HSD17B6: variants seen among roughly 807,000 people sequenced by gnomAD.
HSD17B6 encodes 17-beta-hydroxysteroid dehydrogenase type 6.
Under a neutral mutation model 26.4 loss-of-function variants are expected in HSD17B6, and 16 were observed. The observed-to-expected ratio is 0.61, with a 90% confidence interval of 0.41 to 0.92. HSD17B6 has a LOEUF of 0.92. HSD17B6 is among the 40% of genes least tolerant of loss of function. The probability of loss-of-function intolerance (pLI) is 0.00; values close to 1 mark genes in which losing one functional copy is unlikely to be tolerated. For missense variants in HSD17B6, 357 were observed against 386.1 expected, an observed-to-expected ratio of 0.92 and a Z score of 0.63; for synonymous variants, 139 against 153.0, an observed-to-expected ratio of 0.91 and a Z score of 0.68.
chr12:56,774,864 G>A (rs567618667), intron 2 of HSD17B6, among the ~76,000 whole-genome samples: 2 of 152,374 alleles, frequency 1.3e-5, no homozygotes, highest in South Asian at 4.1e-4. Context: ...TACAGATGAA[G>A]CTTTGCTTGC....
chr12:56,784,695 AG>A (rs1954836721), intron 3 of HSD17B6, among the ~76,000 whole-genome samples, 157 bp from the exon 4 acceptor site: 1 of 152,084 alleles, frequency 6.6e-6, no homozygotes, highest in African/African-American at 2.4e-5. Context: ...GACCGTGGGG[AG>A]AGGGAGACGA....
In HSD17B6 at chr12:56,785,900, A is replaced by G. The variant is rs931010342; in HGVS notation, c.736+884A>G. 21 of 968,352 alleles carry G rather than the reference A, an allele frequency of 2.2e-5. 1 individual carries two copies. The highest frequency in any genetic ancestry group is 3.7e-6 in the Non-Finnish European group (3 of 814,512). The allele number at this position is 968,352 out of a possible 1,614,324, so 60.0% of individuals were successfully genotyped here. On this transcript the variant is annotated intron_variant, in intron 4 of 4. Coordinates refer to ENST00000322165, the MANE Select transcript of HSD17B6 (RefSeq NM_003725.4). ...CCCTGAGGCTATATTTCTCTTGTTC[A>G]GGTGATAGGAGCTTTGTGGGAGTGG...
chr12:56,766,321 T>C (rs1954328051), intron 1 of HSD17B6, among the ~76,000 whole-genome samples: 1 of 152,108 alleles, frequency 6.6e-6, no homozygotes, highest in Admixed American at 6.6e-5. Flanking sequence ...TGACAAAAGG[T>C]AGTCGGAATC....
chr12:56,783,309 C>T (rs1299051740), intron 3 of HSD17B6, among the ~76,000 whole-genome samples: 30 of 142,704 alleles, frequency 2.1e-4, no homozygotes, highest in Non-Finnish European at 3.4e-4. Flanking sequence ...GCTGGCCAGG[C>T]GGGGGGCTGA....
intron 4 of HSD17B6, among the ~76,000 whole-genome samples, chr12:56,786,536 C>A (rs970852703): frequency 4.6e-5 from 7 of 152,216 alleles, no homozygotes; most frequent in African/African-American, 1.7e-4. Context: ...AGGCATGAGC[C>A]ACTGCACCCA....
intron 1 of HSD17B6, among the ~76,000 whole-genome samples, chr12:56,768,814 A>T (rs1240709512): frequency 2.0e-5 from 3 of 152,024 alleles, no homozygotes; most frequent in Non-Finnish European, 4.4e-5. Flanking sequence ...GATTTGTTGT[A>T]TAAAAGTTTG....
Position 56,787,585 on chromosome 12 carries a change from A to G in HSD17B6, c.*243A>G, listed in dbSNP as rs1328525335. On this transcript the variant is annotated 3_prime_UTR_variant, in exon 5 of 5. Coordinates refer to ENST00000322165, the MANE Select transcript of HSD17B6 (RefSeq NM_003725.4). ...TGAGACTATTTGTCTAAAGTGAATCATTTGTTCTTGCCTTATTAAACAGAG... is the reference window on the plus strand; with the variant it reads ...TGAGACTATTTGTCTAAAGTGAATCGTTTGTTCTTGCCTTATTAAACAGAG... 2 of 484,032 alleles carry G rather than the reference A, an allele frequency of 4.1e-6. No homozygotes were observed. The highest frequency in any genetic ancestry group is 3.9e-5 in the African/African-American group (2 of 51,324). 30.0% of individuals were successfully genotyped at this position (484,032 alleles called of 1,614,324 possible). A position where few individuals can be genotyped will look rare whatever the true frequency, so the allele number is the denominator to read the frequency against.
chr12:56,774,919 G>T (rs1013971128), intron 2 of HSD17B6, among the ~76,000 whole-genome samples: 2 of 152,214 alleles, frequency 1.3e-5, no homozygotes, highest in Non-Finnish European at 2.9e-5. Flanking sequence ...TTTCTAACAG[G>T]CCATGGGCTG....
intron 1 of HSD17B6, 120 bp from the exon 2 acceptor site, chr12:56,773,713 TA>T: frequency 1.1e-6 from 1 of 941,654 alleles, no homozygotes; most frequent in Non-Finnish European, 1.5e-6. Flanking sequence ...AGGGTAGGAC[TA>T]AGTATTAATC....
chr12:56,767,344 C>T (rs1284447761), intron 1 of HSD17B6, among the ~76,000 whole-genome samples: 2 of 150,700 alleles, frequency 1.3e-5, no homozygotes, highest in Admixed American at 1.3e-4. Flanking sequence ...AACTCTGTCT[C>T]CACTAAAAAA....
At chr12:56,764,068 C>CACAAAAA (rs1954266273) in intron 1 of HSD17B6, among the ~76,000 whole-genome samples, 1 of 74,342 alleles carries the variant, frequency 1.3e-5, no homozygotes, top group African/African-American at 6.2e-5. Context: ...GACCGTGTCT[C>CACAAAAA]AAAAAAAAAA....
Position 56,774,050 on chromosome 12 carries a change from C to G in HSD17B6, c.198C>G (p.Ala66=). ...VLAACLTEKG[A]EQLRGQTSDR... Reference sequence around the variant, plus strand: ...CTGCGTGTCTGACGGAGAAGGGGGCCGAGCAGCTGAGGGGCCAGACGTCTG... The same window carrying G: ...CTGCGTGTCTGACGGAGAAGGGGGCGGAGCAGCTGAGGGGCCAGACGTCTG... The change falls in exon 2 of 5, where the codon GCC becomes GCG. Residue 66 remains alanine (A), a synonymous_variant. Coordinates refer to ENST00000322165, the MANE Select transcript of HSD17B6 (RefSeq NM_003725.4). 1 of 1,614,006 alleles carries G rather than the reference C, an allele frequency of 6.2e-7. No homozygotes were observed. The highest frequency in any genetic ancestry group is 8.5e-7 in the Non-Finnish European group (1 of 1,179,954).
chr12:56,781,900 T>C, intron 2 of HSD17B6, 74 bp from the exon 3 acceptor site: 2 of 1,495,438 alleles, frequency 1.3e-6, no homozygotes, highest in East Asian at 4.5e-5. Context: ...AGAGTGATTC[T>C]TTCCCCACCA....
intron 2 of HSD17B6, among the ~76,000 whole-genome samples, chr12:56,775,082 G>A (rs1055887976): frequency 1.3e-5 from 2 of 152,234 alleles, no homozygotes; most frequent in Non-Finnish European, 2.9e-5. Flanking sequence ...CTGACTGTGT[G>A]TATCAAAGCT....
intron 1 of HSD17B6, among the ~76,000 whole-genome samples, chr12:56,771,395 G>A (rs1247352116): frequency 6.6e-6 from 1 of 151,310 alleles, no homozygotes; most frequent in Non-Finnish European, 1.5e-5. Flanking sequence ...GTTAATATAT[G>A]TGACATCTTA....
intron 1 of HSD17B6, among the ~76,000 whole-genome samples, chr12:56,772,430 C>T (rs1048954933): frequency 6.6e-6 from 1 of 152,140 alleles, no homozygotes; most frequent in Non-Finnish European, 1.5e-5. Context: ...TGTGGTGGCT[C>T]ATGCCTGTAA....
chr12:56,772,034 T>G (rs1274368157), intron 1 of HSD17B6, among the ~76,000 whole-genome samples: 3 of 152,166 alleles, frequency 2.0e-5, no homozygotes, highest in African/African-American at 7.2e-5. Flanking sequence ...CCCAGCCATG[T>G]GGAACTGTGA....
chr12:56,766,092 T>TC lies in HSD17B6; in HGVS notation c.-20+2683dup, dbSNP rs747228462. Among the ~76,000 whole-genome samples the TC allele has an allele frequency of 5.9e-5, 9 of 151,810 alleles. No homozygotes were observed. The East Asian group carries it at 1.4e-3, about 23-fold the overall frequency. On this transcript the variant is annotated intron_variant, in intron 1 of 4. Transcript: ENST00000322165. ...AAATTCCTTCTCCTGGCTCAGAAGCTCCCCCACTGAGCACCTTATGACCCC... is the reference window on the plus strand; with the variant it reads ...AAATTCCTTCTCCTGGCTCAGAAGCTCCCCCCACTGAGCACCTTATGACCCC...
chr12:56,767,789 A>G (rs1034490985), intron 1 of HSD17B6, among the ~76,000 whole-genome samples: 14 of 146,088 alleles, frequency 9.6e-5, no homozygotes, highest in Non-Finnish European at 1.6e-4. Flanking sequence ...TTATGTATAT[A>G]TAATATATAT....
Sources: allele counts gnomAD v4.1 joint callset (sites outside exome capture counted in the v4.1 genomes callset), GRCh38; gene constraint gnomAD v4.1.1; transcripts MANE v1.5; gene names NCBI Gene and HGNC (gene_info 2026-07-23, HGNC 2026-07-21).